Variants in CERS6 observed in about 807,000 individuals in gnomAD.
CERS6 encodes LAG1 homolog, ceramide synthase 6.
A neutral mutation model predicts 56.8 loss-of-function variants in CERS6; 26 were observed. The ratio of observed to expected loss-of-function variants is 0.46; its 90% CI spans 0.34 to 0.63. CERS6 has a LOEUF of 0.63. Ranked by LOEUF, CERS6 falls within the 30% of genes least tolerant of loss-of-function variation. The pLI, the probability that CERS6 is intolerant of heterozygous loss-of-function variation, is 0.01. For synonymous variants in CERS6, 164 were observed against 173.3 expected, an observed-to-expected ratio of 0.95 and a Z score of 0.42; for missense variants, 415 against 467.5, an observed-to-expected ratio of 0.89 and a Z score of 1.04.
chr2:168,464,906 G>A (rs2105319811), intron 1 of CERS6, among the ~76,000 whole-genome samples: 1 of 152,318 alleles, frequency 6.6e-6, no homozygotes, highest in South Asian at 2.1e-4. Flanking sequence ...TGTTGGCTAG[G>A]GTGAGGACAA....
intron 8 of CERS6, among the ~76,000 whole-genome samples, chr2:168,737,384 T>G (rs552567847): frequency 6.6e-6 from 1 of 152,148 alleles, no homozygotes; most frequent in African/African-American, 2.4e-5. Context: ...AAGGAAAAAA[T>G]TCTGCGGCGT....
intron 6 of CERS6, among the ~76,000 whole-genome samples, chr2:168,706,235 C>G (rs1166934004): frequency 1.3e-5 from 2 of 152,208 alleles, no homozygotes; most frequent in East Asian, 3.8e-4. Flanking sequence ...ATGCTCTGGC[C>G]AGGCCCATCA....
intron 1 of CERS6, among the ~76,000 whole-genome samples, chr2:168,465,888 A>C (rs1693862869): frequency 6.6e-6 from 1 of 152,244 alleles, no homozygotes; most frequent in Non-Finnish European, 1.5e-5. Flanking sequence ...AATTAAAAAA[A>C]ATAGAAGATT....
At chr2:168,599,720 A>G (rs1441167129) in intron 3 of CERS6, among the ~76,000 whole-genome samples, 1 of 152,208 alleles carries the variant, frequency 6.6e-6, no homozygotes, top group African/African-American at 2.4e-5. Flanking sequence ...TTTGAGGACC[A>G]TCTATCAATC....
At chr2:168,492,569 G>C (rs949816651) in intron 1 of CERS6, among the ~76,000 whole-genome samples, 1 of 152,154 alleles carries the variant, frequency 6.6e-6, no homozygotes, top group Non-Finnish European at 1.5e-5. Context: ...TAGGTTGCCT[G>C]TTTACTCTGA....
chr2:168,661,588 C>T (rs17196288), intron 4 of CERS6, among the ~76,000 whole-genome samples: 3,534 of 152,280 alleles, frequency 0.023, 51 homozygotes, highest in Non-Finnish European at 0.034. Context: ...GTATTGTTTT[C>T]CAAGAGCAAG....
intron 3 of CERS6, among the ~76,000 whole-genome samples, chr2:168,579,602 AG>A (rs1216624964): frequency 6.6e-6 from 1 of 152,032 alleles, no homozygotes; most frequent in Non-Finnish European, 1.5e-5. Flanking sequence ...AGTCTAGCTT[AG>A]GCACCCTTTC....
chr2:168,592,377 G>C (rs1354938988), intron 3 of CERS6, among the ~76,000 whole-genome samples: 1 of 152,200 alleles, frequency 6.6e-6, no homozygotes, highest in African/African-American at 2.4e-5. Context: ...CGTGGGAAAG[G>C]GAGGTGAGGC....
intron 4 of CERS6, among the ~76,000 whole-genome samples, chr2:168,667,044 G>T (rs957819518): frequency 6.6e-6 from 1 of 152,132 alleles, no homozygotes; most frequent in Non-Finnish European, 1.5e-5. Flanking sequence ...CAAAAAGCTG[G>T]CAAAAGTTTT....
chr2:168,750,827 C>T (rs1355812566), intron 8 of CERS6, among the ~76,000 whole-genome samples: 1 of 152,124 alleles, frequency 6.6e-6, no homozygotes, highest in East Asian at 1.9e-4. Context: ...CATTATCAGC[C>T]AAATAGAGTG....
At chr2:168,491,117 C>T (rs1694364781) in intron 1 of CERS6, among the ~76,000 whole-genome samples, 1 of 152,174 alleles carries the variant, frequency 6.6e-6, no homozygotes, top group African/African-American at 2.4e-5. Context: ...GACAGTCACG[C>T]TGAGGATGGA....
At chr2:168,677,644 T>C (rs1378525679) in intron 4 of CERS6, among the ~76,000 whole-genome samples, 1 of 152,060 alleles carries the variant, frequency 6.6e-6, no homozygotes, top group Non-Finnish European at 1.5e-5. Context: ...ATTACAGGCA[T>C]GCACCACCAC....
chr2:168,523,048 A>G (rs148337863), intron 1 of CERS6, among the ~76,000 whole-genome samples: 270 of 152,338 alleles, frequency 1.8e-3, no homozygotes, highest in Non-Finnish European at 2.8e-3. Context: ...ACAGTACCTG[A>G]TTGATACTGA....
At chr2:168,541,626 A>G (rs1695375046) in intron 1 of CERS6, among the ~76,000 whole-genome samples, 1 of 151,878 alleles carries the variant, frequency 6.6e-6, no homozygotes, top group African/African-American at 2.4e-5. Context: ...TTTTGTGGAG[A>G]TGGTGGATTT....
intron 1 of CERS6, among the ~76,000 whole-genome samples, chr2:168,465,768 C>T (rs1693859497): frequency 6.6e-6 from 1 of 151,982 alleles, no homozygotes; most frequent in Non-Finnish European, 1.5e-5. Context: ...TGGAAAGAGT[C>T]CTGCATGGTG....
intron 2 of CERS6, among the ~76,000 whole-genome samples, chr2:168,550,790 G>A (rs1212965442): frequency 1.3e-5 from 2 of 152,178 alleles, no homozygotes; most frequent in African/African-American, 2.4e-5. Context: ...CAGCCCTACC[G>A]AGTCGCCCAC....
At position 168,620,044 on chromosome 2, in the gene CERS6, CACACACACACACACACACAT is replaced by C. The variant is rs1417038705; in HGVS notation, c.408-10939_408-10920del. ...ACACACACACACACACACACACACACACACACACACACACACACATATTTATATATATATGATCTAATACT... is the reference window on the plus strand; with the variant it reads ...ACACACACACACACACACACACACACATTTATATATATATGATCTAATACT... On this transcript the variant is annotated intron_variant, in intron 3 of 9. Coordinates refer to ENST00000305747, the MANE Select transcript of CERS6 (RefSeq NM_203463.3). Among the ~76,000 whole-genome samples the C allele has an allele frequency of 1.9e-3, 279 of 146,086 alleles. 5 individuals are homozygous for C. Among genetic ancestry groups the C allele is most frequent in the African/African-American group, 5.2e-3 (208 of 39,698 alleles).
intron 4 of CERS6, among the ~76,000 whole-genome samples, chr2:168,671,506 T>A (rs988728108): frequency 2.0e-5 from 3 of 152,190 alleles, no homozygotes; most frequent in Admixed American, 2.0e-4. Context: ...TAACTGTAAT[T>A]TTCCTCTTCT....
At chr2:168,675,462 T>A (rs1023807841) in intron 4 of CERS6, among the ~76,000 whole-genome samples, 1 of 151,930 alleles carries the variant, frequency 6.6e-6, no homozygotes, top group Non-Finnish European at 1.5e-5. Context: ...GGCATGCACG[T>A]GTAGTTCCAG....
Sources: allele counts gnomAD v4.1 joint callset (sites outside exome capture counted in the v4.1 genomes callset), GRCh38; gene constraint gnomAD v4.1.1; transcripts MANE v1.5; gene names NCBI Gene and HGNC (gene_info 2026-07-23, HGNC 2026-07-21).